HOXB3: variants seen among roughly 807,000 people sequenced by gnomAD.
HOXB3 encodes homeobox protein Hox-B3.
Under a neutral mutation model 29.2 loss-of-function variants are expected in HOXB3, and 17 were observed. The ratio of observed to expected loss-of-function variants is 0.58; its 90% CI spans 0.40 to 0.87. The LOEUF (loss-of-function observed/expected upper bound fraction) is 0.87, where lower values mean the gene tolerates loss of function less well. Among genes scored for constraint, HOXB3 ranks in the 40% least tolerant of loss-of-function variants. HOXB3 has a pLI of 0.00. For missense variants in HOXB3, 637 were observed against 616.3 expected (o/e 1.03, Z -0.35); for synonymous variants, 317 against 285.9 (o/e 1.11, Z -1.10).
At chr17:48,585,883 TC>T (rs992770659) in intron 1 of HOXB3, among the ~76,000 whole-genome samples, 2 of 152,182 alleles carry the variant, frequency 1.3e-5, no homozygotes, top group African/African-American at 4.8e-5. Flanking sequence ...CCGTCCTGAC[TC>T]CCCACCTTTC....
intron 2 of HOXB3, among the ~76,000 whole-genome samples, chr17:48,566,122 C>G (rs778266810): frequency 5.1e-4 from 78 of 152,256 alleles, no homozygotes; most frequent in Admixed American, 7.8e-4. Flanking sequence ...GCATTCTATC[C>G]CAACCCCTGA....
At chr17:48,586,172 G>C (rs911450906) in intron 1 of HOXB3, among the ~76,000 whole-genome samples, 14 of 152,316 alleles carry the variant, frequency 9.2e-5, no homozygotes, top group Admixed American at 9.1e-4. Flanking sequence ...CTCTCCAAGA[G>C]GAACTTTAGG....
chr17:48,550,701 G>T lies in HOXB3; in HGVS notation c.929C>A (p.Pro310His). The change falls in exon 5 of 5, where the codon CCC becomes CAC. Residue 310 changes from proline (P) to histidine (H), a missense_variant. By Grantham distance (77) the Pro-to-His change is moderately conservative (BLOSUM62 -2). Transcript: ENST00000498678. ...NAYALPSNYQ[P>H]PLKGCGAPQK... Reference sequence around the variant, plus strand: ...CGGGGCGCCGCAGCCTTTGAGAGGGGGCTGGTAGTTGGAGGGCAGCGCGTA... The same window carrying T: ...CGGGGCGCCGCAGCCTTTGAGAGGGTGCTGGTAGTTGGAGGGCAGCGCGTA... 5 of 1,544,186 alleles carry T rather than the reference G, an allele frequency of 3.2e-6. No homozygotes were observed. Among genetic ancestry groups the T allele is most frequent in the Non-Finnish European group, 4.4e-6 (5 of 1,144,482 alleles).
intron 2 of HOXB3, among the ~76,000 whole-genome samples, chr17:48,571,889 A>G (rs1178387792): frequency 1.3e-5 from 2 of 152,210 alleles, no homozygotes; most frequent in Non-Finnish European, 2.9e-5. Flanking sequence ...TCAAGAAACA[A>G]TTTACAAAAT....
Position 48,573,942 on chromosome 17 carries a change from T to A in HOXB3, c.-352A>T, listed in dbSNP as rs2144867664. On this transcript the variant is annotated 5_prime_UTR_variant, in exon 2 of 5. Coordinates refer to ENST00000498678, the MANE Select transcript of HOXB3 (RefSeq NM_001384749.1). ...AAGTTTTCAACTTTATGGTTCCAAA[T>A]TTTTTCCCCCTTGCAGATCCGGGAG... The A allele has an allele frequency of 1.4e-6, 1 of 695,986 alleles. No individual in the cohort carries two copies. The highest frequency in any genetic ancestry group is 1.5e-5 in the South Asian group (1 of 65,984). 43.1% of individuals were successfully genotyped at this position (695,986 alleles called of 1,614,324 possible). A position where few individuals can be genotyped will look rare whatever the true frequency, so the allele number is the denominator to read the frequency against.
chr17:48,569,950 T>G (rs2069529108), intron 2 of HOXB3, among the ~76,000 whole-genome samples: 1 of 152,174 alleles, frequency 6.6e-6, no homozygotes, highest in Non-Finnish European at 1.5e-5. Flanking sequence ...AGACTGGGAC[T>G]AAGGTTTCTA....
chr17:48,555,743 G>C, intron 2 of HOXB3, 125 bp from the exon 3 acceptor site: 1 of 638,428 alleles, frequency 1.6e-6, no homozygotes, highest in Non-Finnish European at 2.8e-6. Flanking sequence ...GGAGCCGCGC[G>C]GCGTCCGCTT....
chr17:48,550,170 A>C lies in HOXB3; in HGVS notation c.*164T>G. The C allele has an allele frequency of 1.2e-6, 1 of 866,912 alleles. No individual in the cohort carries two copies. Among genetic ancestry groups the C allele is most frequent in the Non-Finnish European group, 1.7e-6 (1 of 578,246 alleles). 53.7% of individuals were successfully genotyped at this position (866,912 alleles called of 1,614,324 possible). A position where few individuals can be genotyped will look rare whatever the true frequency, so the allele number is the denominator to read the frequency against. ...ACAAGGGGTGGAAGACTTAAAAGCAACCTCTCAGGCCAGGGGGAAGGGAAG... is the reference window on the plus strand; with the variant it reads ...ACAAGGGGTGGAAGACTTAAAAGCACCCTCTCAGGCCAGGGGGAAGGGAAG... On this transcript the variant is annotated 3_prime_UTR_variant, in exon 5 of 5. Transcript: ENST00000498678.
intron 1 of HOXB3, among the ~76,000 whole-genome samples, chr17:48,586,347 C>A (rs907491879): frequency 6.6e-6 from 1 of 152,208 alleles, no homozygotes; most frequent in South Asian, 2.1e-4. Context: ...TCCCCTCTTC[C>A]TCTTGGAGCC....
Position 48,550,931 on chromosome 17 carries a change from C to G in HOXB3, c.699G>C (p.Lys233Asn). Reference protein sequence around the residue: ...NLLNLSERQIKIWFQNRRMKY... With the variant: ...NLLNLSERQINIWFQNRRMKY... ...TCATGCGCCGGTTCTGGAACCAGAT[C>G]TTGATCTGCCGCTCGCTGAGGTTCA... is the stretch of plus-strand genomic sequence containing the variant. The change falls in exon 5 of 5, where the codon AAG becomes AAC. Residue 233 changes from lysine to asparagine, a missense_variant. Transcript: ENST00000498678. 1 of 1,614,034 alleles carries G rather than the reference C, an allele frequency of 6.2e-7. No homozygotes were observed. The highest frequency in any genetic ancestry group is 8.5e-7 in the Non-Finnish European group (1 of 1,179,950).
chr17:48,566,834 C>T (rs1197488663), intron 2 of HOXB3, among the ~76,000 whole-genome samples: 1 of 152,140 alleles, frequency 6.6e-6, no homozygotes, highest in Non-Finnish European at 1.5e-5. Context: ...CACAGTCATA[C>T]CCCCCAACAC....
rs2068708189 is a variant in HOXB3 at position 48,550,884 on chromosome 17, G to A, written c.746C>T (p.Ala249Val). 3.7e-6 allele frequency: 6 copies of A among 1,613,994 alleles called. No individual in the cohort carries two copies. The highest frequency in any genetic ancestry group is 1.7e-5 in the Admixed American group (1 of 60,010). ...RRMKYKKDQK[A>V]KGLASSSGGP... The stretch of plus-strand genomic sequence containing the variant: ...CCCCGACGACGAGGCCAATCCCTTG[G>A]CCTTCTGGTCCTTCTTGTACTTCAT... The change falls in exon 5 of 5, where the codon GCC (alanine) becomes GTC (valine). Residue 249 changes from alanine to valine, a missense_variant. Physicochemically the swap from Ala to Val is moderately conservative, Grantham distance 64. Coordinates refer to ENST00000498678, the MANE Select transcript of HOXB3 (RefSeq NM_001384749.1).
rs940551300 is a variant in HOXB3 at position 48,552,582 on chromosome 17, C to T, written c.-108G>A. 8 of 767,574 alleles carry T rather than the reference C, an allele frequency of 1.0e-5. No individual in the cohort carries two copies. Among genetic ancestry groups the T allele is most frequent in the Non-Finnish European group, 1.6e-5 (8 of 498,614 alleles). 47.5% of individuals were successfully genotyped at this position (767,574 alleles called of 1,614,324 possible). On this transcript the variant is annotated 5_prime_UTR_variant, in exon 4 of 5. Transcript: ENST00000498678. ...ACGTGACACGCCGGACCCCCCCCCC[C>T]CACCTCCCCTCTCTGCCCCCCTCCT...
At chr17:48,551,984 G>C (rs369188468) in intron 4 of HOXB3, 43 bp downstream of exon 4, 1 of 1,510,346 alleles carries the variant, frequency 6.6e-7, no homozygotes, top group Admixed American at 2.1e-5. Context: ...GACATTCCTG[G>C]CTCCGACAAA....
In HOXB3 at chr17:48,552,220, G is replaced by A; in HGVS notation, c.255C>T (p.Ala85=). 1.2e-6 allele frequency: 2 copies of A among 1,612,898 alleles called. No homozygotes were observed. Among genetic ancestry groups the A allele is most frequent in the South Asian group, 1.1e-5 (1 of 91,046 alleles). The change falls in exon 4 of 5, where the codon GCC becomes GCT. Residue 85 remains alanine, a synonymous_variant. Transcript: ENST00000498678. ...CACTGGGCGGGGGTGAGCCAGGCGG[G>A]GCCGACAGGGGCTCGGGGGCCAGAC... ...RPGLAPEPLS[A]PPGSPPPSAA... is the part of the protein sequence containing the mutation.
At position 48,555,602 on chromosome 17, in the gene HOXB3, GC is replaced by G; in HGVS notation, c.-231del. On this transcript the variant is annotated 5_prime_UTR_variant, in exon 3 of 5. It introduces an in-frame stop codon into an upstream open reading frame of the 5' UTR. Transcript: ENST00000498678. ...CATCGAGCCCCAGAGCGAGCGGCAG[GC>G]GACAAATCTCCCCTCCTTGAAGGCA... 1.4e-6 allele frequency: 1 copy of G among 702,716 alleles called. No homozygotes were observed. 43.5% of individuals were successfully genotyped at this position (702,716 alleles called of 1,614,324 possible).
At chr17:48,578,447 G>T (rs1428163960) in intron 1 of HOXB3, 2 of 1,186,602 alleles carry the variant, frequency 1.7e-6, no homozygotes, top group South Asian at 3.1e-5. Flanking sequence ...GATCCTCCGA[G>T]CCAATGGCCG....
At chr17:48,570,199 G>A (rs2069538267) in intron 2 of HOXB3, among the ~76,000 whole-genome samples, 4 of 152,164 alleles carry the variant, frequency 2.6e-5, no homozygotes, top group African/African-American at 9.7e-5. Flanking sequence ...GATGGGGGAT[G>A]GCTATGCCTG....
At chr17:48,585,457 G>A (rs947723367) in intron 1 of HOXB3, among the ~76,000 whole-genome samples, 2 of 152,116 alleles carry the variant, frequency 1.3e-5, no homozygotes, top group Non-Finnish European at 2.9e-5. Flanking sequence ...CCAACGATGC[G>A]GGGGGGCCCG....
Sources: allele counts gnomAD v4.1 joint callset (sites outside exome capture counted in the v4.1 genomes callset), GRCh38; gene constraint gnomAD v4.1.1; transcripts MANE v1.5; gene names NCBI Gene and HGNC (gene_info 2026-07-23, HGNC 2026-07-21).